NFIX: variants seen among roughly 807,000 people sequenced by gnomAD.
NFIX encodes the protein nuclear factor 1 X-type.
NFIX carries 2 observed loss-of-function variants against 53.3 expected under a neutral mutation model. That is an observed-to-expected ratio of 0.04 (90% CI 0.02 to 0.12). The LOEUF (loss-of-function observed/expected upper bound fraction) is 0.12, where lower values mean the gene tolerates loss of function less well. Ranked by LOEUF, NFIX falls within the 10% of genes least tolerant of loss-of-function variation. The pLI, the probability that NFIX is intolerant of heterozygous loss-of-function variation, is 1.00. For missense variants in NFIX, 310 were observed against 674.5 expected, an observed-to-expected ratio of 0.46 and a Z score of 5.99; for synonymous variants, 244 against 289.0, an observed-to-expected ratio of 0.84 and a Z score of 1.58.
chr19:13,053,540 C>A (rs1599793765), intron 2 of NFIX, among the ~76,000 whole-genome samples: 1 of 152,062 alleles, frequency 6.6e-6, no homozygotes, highest in African/African-American at 2.4e-5. Context: ...AGACAGTCCA[C>A]CTGGAAGGGA....
Position 13,072,253 on chromosome 19 carries a change from A to G in NFIX, c.560-794A>G, listed in dbSNP as rs1300866793. On this transcript the variant is annotated intron_variant, in intron 2 of 10. Coordinates refer to ENST00000592199, the MANE Select transcript of NFIX (RefSeq NM_001365902.3). The surrounding 1 kb of genome is among the most constrained non-coding windows in gnomAD (Gnocchi z 4.0). ...CAGGGTGGGGGGCTTTCCCAAGCTC[A>G]GCAAAATATTCACACACACACTCCA... Among the ~76,000 whole-genome samples the G allele has an allele frequency of 6.6e-6, 1 of 152,134 alleles. No homozygotes were observed. The highest frequency in any genetic ancestry group is 2.4e-5 in the African/African-American group (1 of 41,424).
chr19:13,092,060 A>G (rs1280084827), intron 10 of NFIX, among the ~76,000 whole-genome samples: 2 of 152,028 alleles, frequency 1.3e-5, no homozygotes, highest in African/African-American at 2.4e-5. Context: ...GGGGAGCGGA[A>G]GCTGGACAAG....
chr19:13,023,252 G>A (rs1257431005), intron 1 of NFIX, among the ~76,000 whole-genome samples: 1 of 148,158 alleles, frequency 6.7e-6, no homozygotes, highest in Non-Finnish European at 1.5e-5. Context: ...ACACACACGC[G>A]CACACTCACA....
intron 2 of NFIX, among the ~76,000 whole-genome samples, chr19:13,031,086 C>T (rs1026758668): frequency 6.6e-6 from 1 of 152,144 alleles, no homozygotes; most frequent in Non-Finnish European, 1.5e-5. Context: ...ATGCCCAGAC[C>T]CAATCCTTAT....
chr19:13,053,186 A>G (rs1203772055), intron 2 of NFIX, among the ~76,000 whole-genome samples: 3 of 152,132 alleles, frequency 2.0e-5, no homozygotes, highest in Non-Finnish European at 2.9e-5. Context: ...TAGCTCCAGG[A>G]AACCTAGATG....
At chr19:13,077,351 T>TC (rs1026399350) in intron 6 of NFIX, among the ~76,000 whole-genome samples, 6 of 152,172 alleles carry the variant, frequency 3.9e-5, no homozygotes, top group Non-Finnish European at 8.8e-5. Flanking sequence ...ACCCTCCGGC[T>TC]CCCTTTTCCC....
In NFIX at chr19:13,073,926, G is replaced by A. The variant is rs2016917412; in HGVS notation, c.718G>A (p.Gly240Arg). Residue 240 changes from glycine (G) to arginine (R), a missense_variant, in exon 5 of 11, where the codon GGG becomes AGG. Gly to Arg is a moderately radical substitution (Grantham distance 125). This residue lies in a region of NFIX where 164 missense variants were observed against 284.4 expected (regional missense o/e 0.58). Transcript: ENST00000592199. This position sits in a 1 kb window ranked among gnomAD's most constrained non-coding sequence, Gnocchi z 4.5. Reference sequence around the variant, plus strand: ...CCCAGCTCCTGTTGCAACAGCATCAGGGCCCAACTTCTCCCTGGCGGACCT... The same window carrying A: ...CCCAGCTCCTGTTGCAACAGCATCAAGGCCCAACTTCTCCCTGGCGGACCT... The part of the protein sequence containing the change: ...VSQTPVATAS[G>R]PNFSLADLES... 1.9e-6 allele frequency: 3 copies of A among 1,613,972 alleles called. No individual in the cohort carries two copies. Among genetic ancestry groups the A allele is most frequent in the Non-Finnish European group, 2.5e-6 (3 of 1,179,894 alleles).
intron 5 of NFIX, among the ~76,000 whole-genome samples, chr19:13,074,600 G>C (rs571572639): frequency 1.3e-5 from 2 of 152,018 alleles, no homozygotes; most frequent in Admixed American, 1.3e-4. Flanking sequence ...GCTAGAGTGG[G>C]GGAGGGCCTG....
rs986644208 is a variant in NFIX, at chr19:13,036,776, A to T, written c.559+11224A>T. On this transcript the variant is annotated intron_variant, in intron 2 of 10. Coordinates refer to ENST00000592199, the MANE Select transcript of NFIX (RefSeq NM_001365902.3). This position sits in a 1 kb window ranked among gnomAD's most constrained non-coding sequence, Gnocchi z 4.7. Reference sequence around the variant, plus strand: ...TAAATAGCCACCAGCCCCACACCAAATATGTGGTCACACCAGAGCCACCTT... The same window carrying T: ...TAAATAGCCACCAGCCCCACACCAATTATGTGGTCACACCAGAGCCACCTT... 2.4e-4 allele frequency among the ~76,000 whole-genome samples: 36 copies of T among 152,176 alleles called. No individual in the cohort carries two copies. Among genetic ancestry groups the T allele is most frequent in the Non-Finnish European group, 4.4e-5 (3 of 68,026 alleles).
At chr19:13,061,703 G>A (rs926074023) in intron 2 of NFIX, among the ~76,000 whole-genome samples, 7 of 152,226 alleles carry the variant, frequency 4.6e-5, no homozygotes, top group African/African-American at 1.7e-4. Flanking sequence ...GCTGTCAGTC[G>A]GAGGATCAGT....
At position 13,022,318 on chromosome 19, in the gene NFIX, G is replaced by A. The variant is rs2012986205; in HGVS notation, c.28-2703G>A. ...GAGTGTGCGTGGCTGGGTGTGGGCCGAAGGAGGAGGCTGAGCTTGCTGGGG... is the reference window on the plus strand; with the variant it reads ...GAGTGTGCGTGGCTGGGTGTGGGCCAAAGGAGGAGGCTGAGCTTGCTGGGG... On this transcript the variant is annotated intron_variant, in intron 1 of 10. Coordinates refer to ENST00000592199, the MANE Select transcript of NFIX (RefSeq NM_001365902.3). This position sits in a 1 kb window ranked among gnomAD's most constrained non-coding sequence, Gnocchi z 4.5. 6.6e-6 allele frequency among the ~76,000 whole-genome samples: 1 copy of A among 152,152 alleles called. No individual in the cohort carries two copies. Among genetic ancestry groups the A allele is most frequent in the Admixed American group, 6.5e-5 (1 of 15,276 alleles).
Position 13,025,873 on chromosome 19 carries a change from T to C in NFIX, c.559+321T>C, listed in dbSNP as rs2013303557. ...GACATGATGCCCCCAGAATTATCCA[T>C]GATGGTGAGAGTTTGAGATGAACAA... On this transcript the variant is annotated intron_variant, in intron 2 of 10. Coordinates refer to ENST00000592199, the MANE Select transcript of NFIX (RefSeq NM_001365902.3). This position sits in a 1 kb window ranked among gnomAD's most constrained non-coding sequence, Gnocchi z 7.5. Among the ~76,000 whole-genome samples the C allele has an allele frequency of 6.6e-6, 1 of 152,210 alleles. No homozygotes were observed. Among genetic ancestry groups the C allele is most frequent in the Non-Finnish European group, 1.5e-5 (1 of 68,040 alleles).
chr19:13,077,349 G>A (rs999281942), intron 6 of NFIX, among the ~76,000 whole-genome samples: 1 of 152,150 alleles, frequency 6.6e-6, no homozygotes, highest in African/African-American at 2.4e-5. Flanking sequence ...GCACCCTCCG[G>A]CTCCCTTTTC....
intron 1 of NFIX, among the ~76,000 whole-genome samples, chr19:13,018,752 T>C (rs1037569959): frequency 1.4e-4 from 21 of 152,250 alleles, no homozygotes; most frequent in African/African-American, 4.6e-4. Flanking sequence ...CTCTGGCCGC[T>C]GTCTGGCCAC....
At chr19:13,039,453 C>T (rs982417157) in intron 2 of NFIX, among the ~76,000 whole-genome samples, 3 of 152,196 alleles carry the variant, frequency 2.0e-5, no homozygotes, top group East Asian at 1.9e-4. Context: ...CAAAGTGCTC[C>T]GGCTGCAGAA....
intron 2 of NFIX, among the ~76,000 whole-genome samples, chr19:13,055,400 C>T (rs982931709): frequency 2.0e-5 from 3 of 152,192 alleles, no homozygotes; most frequent in Admixed American, 6.5e-5. Context: ...TTCTTGCATC[C>T]GGGGGCCCCG....
chr19:13,032,078 G>A (rs1046381365), intron 2 of NFIX, among the ~76,000 whole-genome samples: 1 of 152,186 alleles, frequency 6.6e-6, no homozygotes, highest in Non-Finnish European at 1.5e-5. Context: ...TCAGCGCGGT[G>A]CTCGCACAAA....
Position 13,056,651 on chromosome 19 carries a change from A to G in NFIX, c.560-16396A>G, listed in dbSNP as rs551185365. The stretch of plus-strand genomic sequence containing the variant: ...CCAGTGCCTACACCCGAGGCCAGGG[A>G]ACCCAGGGGTGAAAACCTGGCTTAG... On this transcript the variant is annotated intron_variant, in intron 2 of 10. Transcript: ENST00000592199. Among the ~76,000 whole-genome samples, 4 of 152,322 alleles carry G rather than the reference A, an allele frequency of 2.6e-5. No homozygotes were observed. The South Asian group carries it at 6.2e-4, about 24-fold the overall frequency.
intron 2 of NFIX, among the ~76,000 whole-genome samples, chr19:13,069,557 A>G (rs1220284068): frequency 3.9e-5 from 6 of 152,138 alleles, no homozygotes; most frequent in Non-Finnish European, 8.8e-5. Flanking sequence ...CCTGGCAGGG[A>G]CTGCCAGGGC....
Sources: allele counts gnomAD v4.1 joint callset (sites outside exome capture counted in the v4.1 genomes callset), GRCh38; gene constraint gnomAD v4.1.1; regional missense constraint gnomAD v4.1.1; non-coding constraint Gnocchi (gnomAD v3.1); transcripts MANE v1.5; gene names NCBI Gene and HGNC (gene_info 2026-07-23, HGNC 2026-07-21).